PLCB1: variants seen among roughly 807,000 people sequenced by gnomAD.
PLCB1 encodes phospholipase C beta 1.
In PLCB1, 46 loss-of-function variants were observed where a neutral mutation model predicts 161.8. The ratio of observed to expected loss-of-function variants is 0.28; its 90% confidence interval spans 0.22 to 0.36. The LOEUF (loss-of-function observed/expected upper bound fraction) is 0.36, where lower values mean the gene tolerates loss of function less well. Ranked by LOEUF, PLCB1 falls within the 10% of genes least tolerant of loss-of-function variation. PLCB1 has a pLI of 1.00. For missense variants in PLCB1, 1,016 were observed against 1,472.5 expected (o/e 0.69, Z 5.07); for synonymous variants, 517 against 503.7 (o/e 1.03, Z -0.35).
chr20:8,348,751 AT>A (rs1280059642), intron 2 of PLCB1, among the ~76,000 whole-genome samples: 5 of 152,302 alleles, frequency 3.3e-5, no homozygotes, highest in Admixed American at 2.6e-4. Flanking sequence ...ACTCATACAC[AT>A]TTACTGTGGT....
intron 3 of PLCB1, among the ~76,000 whole-genome samples, chr20:8,596,563 A>T (rs1320894486): frequency 1.5e-5 from 1 of 68,794 alleles, no homozygotes; most frequent in Non-Finnish European, 2.9e-5. Flanking sequence ...CTTTTGGCTT[A>T]GGATTGCCTT....
chr20:8,566,280 T>C (rs907559811), intron 3 of PLCB1, among the ~76,000 whole-genome samples: 1 of 152,176 alleles, frequency 6.6e-6, no homozygotes, highest in African/African-American at 2.4e-5. Flanking sequence ...ATTTGCTTAA[T>C]GTAGCAAGTG....
chr20:8,401,828 C>T (rs1305811169), intron 3 of PLCB1, among the ~76,000 whole-genome samples: 1 of 152,160 alleles, frequency 6.6e-6, no homozygotes, highest in Non-Finnish European at 1.5e-5. Flanking sequence ...TGGCCCAGCC[C>T]AATTCAAGGA....
At chr20:8,449,576 G>A (rs1050878520) in intron 3 of PLCB1, among the ~76,000 whole-genome samples, 5 of 152,184 alleles carry the variant, frequency 3.3e-5, no homozygotes, top group African/African-American at 9.7e-5. Context: ...GATGGTTTCC[G>A]GGTAAACTCC....
At chr20:8,404,484 C>G (rs1394835086) in intron 3 of PLCB1, among the ~76,000 whole-genome samples, 2 of 152,146 alleles carry the variant, frequency 1.3e-5, no homozygotes, top group African/African-American at 4.8e-5. Context: ...ATAAAAGGTA[C>G]AAGTCCTAAG....
At chr20:8,556,244 T>C (rs932746477) in intron 3 of PLCB1, among the ~76,000 whole-genome samples, 1 of 152,052 alleles carries the variant, frequency 6.6e-6, no homozygotes, top group Non-Finnish European at 1.5e-5. Flanking sequence ...TGTGTTTGTC[T>C]GTTTTGACCT....
At chr20:8,278,961 G>A (rs747037580) in intron 2 of PLCB1, among the ~76,000 whole-genome samples, 3 of 139,336 alleles carry the variant, frequency 2.2e-5, no homozygotes, top group African/African-American at 8.8e-5. Flanking sequence ...AAATAAACAC[G>A]ACTATACAGT....
intron 31 of PLCB1, among the ~76,000 whole-genome samples, chr20:8,828,542 A>C (rs1985825438): frequency 6.6e-6 from 1 of 152,208 alleles, no homozygotes; most frequent in Non-Finnish European, 1.5e-5. Context: ...CTCACTAATA[A>C]GAGTACATTA....
chr20:8,709,142 G>A (rs1978855032), intron 12 of PLCB1, among the ~76,000 whole-genome samples: 1 of 152,128 alleles, frequency 6.6e-6, no homozygotes, highest in Admixed American at 6.5e-5. Context: ...TTTGTGGCAG[G>A]TGGGGGGAGA....
At position 8,136,507 on chromosome 20, in the gene PLCB1, T is replaced by C. The variant is rs1359722635; in HGVS notation, c.99+3757T>C. Among the ~76,000 whole-genome samples, 65 of 151,740 alleles carry C rather than the reference T, an allele frequency of 4.3e-4. 1 individual carries two copies. The highest frequency in any genetic ancestry group is 7.5e-4 in the Non-Finnish European group (51 of 67,984). On this transcript the variant is annotated intron_variant, in intron 1 of 31. Coordinates refer to ENST00000338037, the MANE Select transcript of PLCB1 (RefSeq NM_015192.4). The stretch of plus-strand genomic sequence containing the variant: ...CGGGCGTGGTGGCGGGCGCCTGTAG[T>C]CCCAGCTGCTCGGGAGGCTGAGGCA...
At chr20:8,646,586 A>G (rs755275983) in intron 5 of PLCB1, among the ~76,000 whole-genome samples, 5 of 152,234 alleles carry the variant, frequency 3.3e-5, no homozygotes, top group Non-Finnish European at 5.9e-5. Flanking sequence ...GTAGAGTTAT[A>G]GATAGATGCT....
intron 3 of PLCB1, among the ~76,000 whole-genome samples, chr20:8,483,994 A>T (rs1392154040): frequency 6.6e-6 from 1 of 152,162 alleles, no homozygotes; most frequent in East Asian, 1.9e-4. Context: ...GTTGTTCCCT[A>T]TTCTTGGACC....
chr20:8,825,247 G>T (rs1985635797), intron 31 of PLCB1, among the ~76,000 whole-genome samples: 1 of 152,186 alleles, frequency 6.6e-6, no homozygotes, highest in Non-Finnish European at 1.5e-5. Flanking sequence ...TAATTGTCTA[G>T]CTACAAACCC....
chr20:8,706,358 G>A (rs1372156534), intron 11 of PLCB1, among the ~76,000 whole-genome samples: 8 of 152,196 alleles, frequency 5.3e-5, no homozygotes, highest in Non-Finnish European at 8.8e-5. Flanking sequence ...AAGCAAATAC[G>A]TGGGAATGGT....
At chr20:8,228,019 A>C (rs932376207) in intron 2 of PLCB1, among the ~76,000 whole-genome samples, 4 of 152,084 alleles carry the variant, frequency 2.6e-5, no homozygotes, top group African/African-American at 9.7e-5. Flanking sequence ...AACTTCGGAG[A>C]CTTAAAAAGT....
At chr20:8,527,823 G>C (rs890882559) in intron 3 of PLCB1, among the ~76,000 whole-genome samples, 12 of 151,798 alleles carry the variant, frequency 7.9e-5, no homozygotes, top group Non-Finnish European at 1.8e-4. Flanking sequence ...TTAATTAATT[G>C]AAAAAATAAA....
chr20:8,192,974 A>G (rs1001949234), intron 2 of PLCB1, among the ~76,000 whole-genome samples: 4 of 152,008 alleles, frequency 2.6e-5, no homozygotes, highest in Middle Eastern at 3.2e-3. Flanking sequence ...ATATTCAATT[A>G]CATTCAAAAT....
At chr20:8,801,651 G>A (rs1381709182) in intron 31 of PLCB1, among the ~76,000 whole-genome samples, 2 of 152,134 alleles carry the variant, frequency 1.3e-5, no homozygotes, top group African/African-American at 2.4e-5. Flanking sequence ...GGCTCTTTGC[G>A]GGGAGAAAAG....
At chr20:8,327,477 G>C (rs1985203003) in intron 2 of PLCB1, among the ~76,000 whole-genome samples, 1 of 152,178 alleles carries the variant, frequency 6.6e-6, no homozygotes, top group Non-Finnish European at 1.5e-5. Context: ...AGCTGCAAGG[G>C]AAGTTGGAAA....
Sources: gnomAD v4.1 joint callset for allele counts (sites outside exome capture counted in the v4.1 genomes callset) on GRCh38, gnomAD v4.1.1 for gene constraint, MANE v1.5 for transcripts, NCBI Gene and HGNC (gene_info 2026-07-23, HGNC 2026-07-21) for gene names.